Variants in NUP155 observed in about 807,000 individuals in gnomAD.
NUP155 encodes nucleoporin 155.
Under a neutral mutation model 180.4 loss-of-function variants are expected in NUP155, and 71 were observed. That is an observed-to-expected ratio of 0.39 (90% CI 0.33 to 0.48). The LOEUF is 0.48. NUP155 is among the 20% of genes least tolerant of loss of function. The pLI is 0.91. For synonymous variants in NUP155, 582 were observed against 559.5 expected (o/e 1.04, Z -0.57); for missense variants, 1,553 against 1,648.9 (o/e 0.94, Z 1.01).
At chr5:37,298,828 G>C in intron 32 of NUP155, 40 bp downstream of exon 32, 1 of 1,051,478 alleles carries the variant, frequency 9.5e-7, no homozygotes, top group Non-Finnish European at 1.5e-6. Context: ...AAAACCATCA[G>C]AACAGAAAAT....
chr5:37,317,842 C>A (rs1743998794), intron 21 of NUP155, 146 bp downstream of exon 21: 1 of 655,488 alleles, frequency 1.5e-6, no homozygotes. Flanking sequence ...TGTGAGCCAC[C>A]ACCCCGGACC....
chr5:37,344,345 GAA>G (rs537055020), intron 9 of NUP155, among the ~76,000 whole-genome samples: 1 of 54,120 alleles, frequency 1.8e-5, no homozygotes, highest in Non-Finnish European at 3.9e-5. Flanking sequence ...CTGTCTCAAA[GAA>G]AAAAAAAAAA....
chr5:37,349,613 T>A (rs1746331947), intron 7 of NUP155, among the ~76,000 whole-genome samples: 1 of 152,162 alleles, frequency 6.6e-6, no homozygotes, highest in African/African-American at 2.4e-5. Flanking sequence ...GTTTACTACA[T>A]CCTAGAAACA....
At chr5:37,336,558 C>A (rs1353872677) in intron 12 of NUP155, among the ~76,000 whole-genome samples, 1 of 152,046 alleles carries the variant, frequency 6.6e-6, no homozygotes, top group Non-Finnish European at 1.5e-5. Context: ...GTAGTAGGTA[C>A]GATTATAACT....
chr5:37,305,294 C>T, intron 25 of NUP155, 84 bp from the exon 26 acceptor site: 1 of 1,230,498 alleles, frequency 8.1e-7, no homozygotes, highest in South Asian at 1.2e-5. Flanking sequence ...GCCTGTAATG[C>T]CAGCCATAGG....
At chr5:37,343,044 C>T (rs940922744) in intron 9 of NUP155, among the ~76,000 whole-genome samples, 2 of 151,646 alleles carry the variant, frequency 1.3e-5, no homozygotes, top group African/African-American at 4.8e-5. Flanking sequence ...CCACTGTGCC[C>T]GACCACATAT....
intron 26 of NUP155, 100 bp downstream of exon 26, chr5:37,304,957 C>T: frequency 6.5e-7 from 1 of 1,529,670 alleles, no homozygotes; most frequent in South Asian, 1.1e-5. Flanking sequence ...ATGATAACTT[C>T]TAAGAACTAC....
chr5:37,352,616 G>A (rs1032606054), intron 5 of NUP155, 121 bp downstream of exon 5: 1 of 708,144 alleles, frequency 1.4e-6, no homozygotes, highest in Non-Finnish European at 2.6e-6. Context: ...GGATTTGGCA[G>A]TAATAATCAT....
rs58198308 is a variant in NUP155 at position 37,368,209 on chromosome 5, CTTTTTTT to C, written c.157+2605_157+2611del. Among the ~76,000 whole-genome samples the C allele has an allele frequency of 4.9e-4, 26 of 52,862 alleles. No homozygotes were observed. In the South Asian group the frequency reaches 0.02, roughly 40 times the overall value. The allele number at this position is 52,862 out of a possible 152,430, so 34.7% of individuals were successfully genotyped here. On this transcript the variant is annotated intron_variant, in intron 1 of 34. Transcript: ENST00000231498. The stretch of plus-strand genomic sequence containing the variant: ...ACAGGCATGAGGCACAGCGCCAGGC[CTTTTTTT>C]TTTTTTTTTTTTTTTTTTTTTGAGA...
At position 37,292,932 on chromosome 5, in the gene NUP155, A is replaced by T; in HGVS notation, c.3984T>A (p.His1328Gln). The T allele has an allele frequency of 6.2e-7, 1 of 1,612,712 alleles. No individual in the cohort carries two copies. Among genetic ancestry groups the T allele is most frequent in the Non-Finnish European group, 8.5e-7 (1 of 1,179,042 alleles). The change falls in exon 34 of 35, where the codon CAT becomes CAA. Residue 1328 changes from histidine to glutamine, a missense_variant. Coordinates refer to ENST00000231498, the MANE Select transcript of NUP155 (RefSeq NM_153485.3). Reference sequence around the variant, plus strand: ...TCTCAACATATCTTATCAATAATACATGTATACAATCCAAAAGGTGCAGTG... The same window carrying T: ...TCTCAACATATCTTATCAATAATACTTGTATACAATCCAAAAGGTGCAGTG... ...KKPLHLLDCIHVLLIRYVENP... is the reference protein window; with the variant it reads ...KKPLHLLDCIQVLLIRYVENP...
intron 9 of NUP155, among the ~76,000 whole-genome samples, chr5:37,347,632 G>A (rs1471881931): frequency 6.8e-6 from 1 of 147,956 alleles, no homozygotes; most frequent in African/African-American, 2.5e-5. Flanking sequence ...GGAGACAGAG[G>A]TTGCAGTGAG....
chr5:37,345,677 C>T (rs948308220), intron 9 of NUP155, among the ~76,000 whole-genome samples: 3 of 151,648 alleles, frequency 2.0e-5, no homozygotes, highest in South Asian at 2.1e-4. Context: ...GGCCAAGGCG[C>T]GCAGATAACA....
At chr5:37,307,823 G>A (rs972489479) in intron 24 of NUP155, among the ~76,000 whole-genome samples, 2 of 151,698 alleles carry the variant, frequency 1.3e-5, no homozygotes, top group Non-Finnish European at 2.9e-5. Flanking sequence ...TCAAAAGGCT[G>A]AGGCAGGAGA....
chr5:37,354,401 T>A (rs1188262786), intron 4 of NUP155, among the ~76,000 whole-genome samples: 5 of 151,110 alleles, frequency 3.3e-5, no homozygotes, highest in African/African-American at 9.7e-5. Flanking sequence ...CGCCCCAGCC[T>A]CCCAAAGTGC....
At chr5:37,370,590 G>A in intron 1 of NUP155, 3 of 1,321,414 alleles carry the variant, frequency 2.3e-6, no homozygotes, top group East Asian at 2.7e-5. Context: ...GCCTCTTTCT[G>A]CTTCAACTGG....
At chr5:37,342,749 T>C (rs1156509440) in intron 9 of NUP155, 103 bp from the exon 10 acceptor site, 22 of 840,828 alleles carry the variant, frequency 2.6e-5, no homozygotes, top group Non-Finnish European at 3.7e-5. Context: ...TTTTCCTTTT[T>C]TTTTTGAGAT....
chr5:37,355,547 G>GTGTGTATATA lies in NUP155; in HGVS notation c.463+2533_463+2534insTATATACACA, dbSNP rs977072922. Among the ~76,000 whole-genome samples the GTGTGTATATA allele has an allele frequency of 4.1e-3, 602 of 147,356 alleles. 3 individuals are homozygous for GTGTGTATATA. The highest frequency in any genetic ancestry group is 0.014 in the African/African-American group (553 of 39,614). On this transcript the variant is annotated intron_variant, in intron 4 of 34. Transcript: ENST00000231498. ...ACGGTTAAAGAATGTGTGTGTGTGT[G>GTGTGTATATA]TATATATATATATATTTATTTATTT...
At chr5:37,366,484 G>A (rs1747591852) in intron 1 of NUP155, among the ~76,000 whole-genome samples, 1 of 152,084 alleles carries the variant, frequency 6.6e-6, no homozygotes, top group Admixed American at 6.6e-5. Flanking sequence ...CTGACGCCAA[G>A]CTAGAGTGCA....
chr5:37,367,124 C>A (rs1422363306), intron 1 of NUP155, among the ~76,000 whole-genome samples: 1 of 151,808 alleles, frequency 6.6e-6, no homozygotes, highest in Non-Finnish European at 1.5e-5. Flanking sequence ...CAGCTCAGGG[C>A]AACCTCAGCC....
Sources: allele counts gnomAD v4.1 joint callset (sites outside exome capture counted in the v4.1 genomes callset), GRCh38; gene constraint gnomAD v4.1.1; transcripts MANE v1.5; gene names NCBI Gene and HGNC (gene_info 2026-07-23, HGNC 2026-07-21).